CXCL10: variants seen among roughly 807,000 people sequenced by gnomAD.
The protein encoded by CXCL10 is C-X-C motif chemokine ligand 10, also known as C-X-C motif chemokine 10.
A neutral mutation model predicts 10.8 loss-of-function variants in CXCL10; 6 were observed. That is an observed-to-expected ratio of 0.55 (90% CI 0.30 to 1.09). The LOEUF (loss-of-function observed/expected upper bound fraction) is 1.09, where lower values mean the gene tolerates loss of function less well. Ranked by LOEUF, CXCL10 falls within the 50% of genes least tolerant of loss-of-function variation. CXCL10 has a pLI of 0.06. For synonymous variants in CXCL10, 35 were observed against 35.8 expected (o/e 0.98, Z 0.08); for missense variants, 114 against 114.3 (o/e 1.00, Z 0.01).
In CXCL10 at chr4:76,021,788, A is replaced by G. The variant is rs1732840477; in HGVS notation, c.*142T>C. 2.5e-6 allele frequency: 2 copies of G among 799,506 alleles called. No homozygotes were observed. Among genetic ancestry groups the G allele is most frequent in the Non-Finnish European group, 4.3e-6 (2 of 460,210 alleles). 49.5% of individuals were successfully genotyped at this position (799,506 alleles called of 1,614,324 possible). On this transcript the variant is annotated 3_prime_UTR_variant, in exon 4 of 4. Coordinates refer to ENST00000306602, the MANE Select transcript of CXCL10 (RefSeq NM_001565.4). ...AGTAGTAGCAGCTGATTTGGTGACCATCATTGGTCACCTTTTAGTGTAACT... is the reference window on the plus strand; with the variant it reads ...AGTAGTAGCAGCTGATTTGGTGACCGTCATTGGTCACCTTTTAGTGTAACT...
Position 76,023,493 on chromosome 4 carries a change from GTC to G in CXCL10, c.-64_-63del. ...GAATATGTCTAAGCAATTGAGGAAT[GTC>G]TCAGAAAACGTGGGGCTAGTGTGCC... On this transcript the variant is annotated 5_prime_UTR_variant, in exon 1 of 4. Transcript: ENST00000306602. 1 of 1,475,112 alleles carries G rather than the reference GTC, an allele frequency of 6.8e-7. No homozygotes were observed. The highest frequency in any genetic ancestry group is 9.5e-7 in the Non-Finnish European group (1 of 1,053,800). 91.4% of individuals were successfully genotyped at this position (1,475,112 alleles called of 1,614,324 possible).
At position 76,022,821 on chromosome 4, in the gene CXCL10, T is replaced by G. The variant is rs780075270; in HGVS notation, c.62-4A>C. On this transcript the variant is annotated splice_region_variant and splice_polypyrimidine_tract_variant and intron_variant, in intron 1 of 3. Transcript: ENST00000306602. Reference sequence around the variant, plus strand: ...ACAGTTCTAGAGAGAGGTACTCCTGTAGGAAAAGAGGAACAGCAGAGAAGG... The same window carrying G: ...ACAGTTCTAGAGAGAGGTACTCCTGGAGGAAAAGAGGAACAGCAGAGAAGG... 3.7e-6 allele frequency: 6 copies of G among 1,606,402 alleles called. No homozygotes were observed. The highest frequency in any genetic ancestry group is 5.1e-6 in the Non-Finnish European group (6 of 1,179,082).
rs567039545 is a variant in CXCL10 at position 76,023,480 on chromosome 4, G to A, written c.-49C>T. On this transcript the variant is annotated 5_prime_UTR_variant, in exon 1 of 4. Transcript: ENST00000306602. ...TGCTGTAGGCTCAGAATATGTCTAA[G>A]CAATTGAGGAATGTCTCAGAAAACG... is the stretch of plus-strand genomic sequence containing the variant. 1.6e-5 allele frequency: 25 copies of A among 1,528,038 alleles called. No homozygotes were observed. The South Asian group carries it at 2.6e-4, about 16-fold the overall frequency. 94.7% of individuals were successfully genotyped at this position (1,528,038 alleles called of 1,614,324 possible).
Position 76,022,438 on chromosome 4 carries a change from T to G in CXCL10, c.206A>C (p.Lys69Thr). ...RVEIIATMKKKGEKRCLNPES... is the reference protein window; with the variant it reads ...RVEIIATMKKTGEKRCLNPES... ...TGGATTCAGACATCTCTTCTCACCC[T>G]TCTTTTTCATTGTAGCACTGTAGAA... is the stretch of plus-strand genomic sequence containing the variant. Residue 69 changes from lysine (K) to threonine (T), a missense_variant, in exon 3 of 4, where the codon AAG (lysine) becomes ACG (threonine). Transcript: ENST00000306602. 6.2e-7 allele frequency: 1 copy of G among 1,613,128 alleles called. No individual in the cohort carries two copies. Among genetic ancestry groups the G allele is most frequent in the Non-Finnish European group, 8.5e-7 (1 of 1,179,836 alleles).
In CXCL10 at chr4:76,023,447, G is replaced by A. The variant is rs375688092; in HGVS notation, c.-16C>T. On this transcript the variant is annotated 5_prime_UTR_variant, in exon 1 of 4. Coordinates refer to ENST00000306602, the MANE Select transcript of CXCL10 (RefSeq NM_001565.4). Reference sequence around the variant, plus strand: ...TTTGATTCATGGTGCTGAGACTGGAGGTTCCTCTGCTGTAGGCTCAGAATA... The same window carrying A: ...TTTGATTCATGGTGCTGAGACTGGAAGTTCCTCTGCTGTAGGCTCAGAATA... 88 of 1,612,310 alleles carry A rather than the reference G, an allele frequency of 5.5e-5. No homozygotes were observed. Among genetic ancestry groups the A allele is most frequent in the Non-Finnish European group, 3.6e-5 (42 of 1,178,502 alleles).
intron 3 of CXCL10, 93 bp downstream of exon 3, chr4:76,022,273 C>T (rs1042927378): frequency 9.8e-6 from 10 of 1,023,272 alleles, no homozygotes; most frequent in Middle Eastern, 2.0e-4. Flanking sequence ...TTTAAACCAG[C>T]GATTGCACAG....
intron 1 of CXCL10, 78 bp downstream of exon 1, chr4:76,023,293 A>C: frequency 8.7e-7 from 1 of 1,143,558 alleles, no homozygotes; most frequent in Non-Finnish European, 1.3e-6. Flanking sequence ...TTACAAATAC[A>C]TTATTTCTGT....
rs1329627460 is a variant in CXCL10 at position 76,023,407 on chromosome 4, A to G, written c.25T>C (p.Cys9Arg). ...CTTAGAGTCAGAAAGATAAGGCAGC[A>G]AATCAGAATGGCAGTTTGATTCATG... MNQTAILICCLIFLTLSGI... is the reference protein window; with the variant it reads MNQTAILIRCLIFLTLSGI... The change falls in exon 1 of 4, where the codon TGC (cysteine) becomes CGC (arginine). Residue 9 changes from cysteine (C) to arginine (R), a missense_variant. Physicochemically the swap from Cys to Arg is radical, Grantham distance 180. Coordinates refer to ENST00000306602, the MANE Select transcript of CXCL10 (RefSeq NM_001565.4). The G allele has an allele frequency of 6.2e-7, 1 of 1,613,942 alleles. No individual in the cohort carries two copies. Among genetic ancestry groups the G allele is most frequent in the Admixed American group, 1.7e-5 (1 of 60,008 alleles).
chr4:76,022,461 G>A lies in CXCL10; in HGVS notation c.189-6C>T. On this transcript the variant is annotated splice_region_variant and splice_polypyrimidine_tract_variant and intron_variant, in intron 2 of 3. Transcript: ENST00000306602. ...CCTTCTTTTTCATTGTAGCACTGTA[G>A]AAATAAATAGGGATGAAAATATTTA... 1 of 1,609,506 alleles carries A rather than the reference G, an allele frequency of 6.2e-7. No individual in the cohort carries two copies.
Position 76,021,771 on chromosome 4 carries a change from C to A in CXCL10, c.*159G>T. ...ATTAACCTTCCTACAGGAGTAGTAG[C>A]AGCTGATTTGGTGACCATCATTGGT... is the stretch of plus-strand genomic sequence containing the variant. On this transcript the variant is annotated 3_prime_UTR_variant, in exon 4 of 4. Coordinates refer to ENST00000306602, the MANE Select transcript of CXCL10 (RefSeq NM_001565.4). 1 of 720,100 alleles carries A rather than the reference C, an allele frequency of 1.4e-6. No homozygotes were observed. Among genetic ancestry groups the A allele is most frequent in the South Asian group, 1.7e-5 (1 of 60,574 alleles). The allele number at this position is 720,100 out of a possible 1,614,324, so 44.6% of individuals were successfully genotyped here.
chr4:76,022,927 C>T, intron 1 of CXCL10, 110 bp from the exon 2 acceptor site: 1 of 1,085,486 alleles, frequency 9.2e-7, no homozygotes, highest in Non-Finnish European at 1.3e-6. Context: ...AGCAAATAGT[C>T]ACTTAATCTG....
chr4:76,022,452 A>G lies in CXCL10; in HGVS notation c.192T>C (p.Ala64=). 1 of 1,612,268 alleles carries G rather than the reference A, an allele frequency of 6.2e-7. No homozygotes were observed. The highest frequency in any genetic ancestry group is 8.5e-7 in the Non-Finnish European group (1 of 1,179,456). ...SQFCPRVEII[A]TMKKKGEKRC... ...TCTTCTCACCCTTCTTTTTCATTGT[A>G]GCACTGTAGAAATAAATAGGGATGA... The change falls in exon 3 of 4, where the codon GCT becomes GCC. Residue 64 remains alanine (A), a synonymous_variant. Transcript: ENST00000306602.
At chr4:76,023,195 G>C (rs1362432050) in intron 1 of CXCL10, among the ~76,000 whole-genome samples, 176 bp downstream of exon 1, 1 of 150,894 alleles carries the variant, frequency 6.6e-6, no homozygotes, top group African/African-American at 2.4e-5. Context: ...TATTCTATTT[G>C]TTTCTCTCAC....
At position 76,021,258 on chromosome 4, in the gene CXCL10, T is replaced by A; in HGVS notation, c.*672A>T. ...ATGTAACATGCAGAGCATATATCTA[T>A]CTGTATTTTTAAAATTTTCCTGTTA... On this transcript the variant is annotated 3_prime_UTR_variant, in exon 4 of 4. Transcript: ENST00000306602. 1 of 152,382 alleles carries A rather than the reference T, an allele frequency of 6.6e-6. No homozygotes were observed. Among genetic ancestry groups the A allele is most frequent in the Middle Eastern group, 3.4e-3 (1 of 294 alleles). 9.4% of individuals were successfully genotyped at this position (152,382 alleles called of 1,614,324 possible). A position where few individuals can be genotyped will look rare whatever the true frequency, so the allele number is the denominator to read the frequency against.
Position 76,023,372 on chromosome 4 carries a change from T to A in CXCL10, c.60A>T (p.Gln20His). 1 of 1,611,942 alleles carries A rather than the reference T, an allele frequency of 6.2e-7. No homozygotes were observed. Among genetic ancestry groups the A allele is most frequent in the Non-Finnish European group, 8.5e-7 (1 of 1,178,016 alleles). ...TAAGTATCCTTTGATGTTCCTTACC[T>A]TGAATGCCACTTAGAGTCAGAAAGA... Reference protein sequence around the residue: ...CLIFLTLSGIQGVPLSRTVRC... With the variant: ...CLIFLTLSGIHGVPLSRTVRC... The change falls in exon 1 of 4, where the codon CAA (glutamine) becomes CAT (histidine). Residue 20 changes from glutamine (Q) to histidine (H), a missense_variant and splice_region_variant. Transcript: ENST00000306602.
At chr4:76,023,191 A>C (rs986701127) in intron 1 of CXCL10, among the ~76,000 whole-genome samples, 180 bp downstream of exon 1, 1 of 150,682 alleles carries the variant, frequency 6.6e-6, no homozygotes, top group East Asian at 1.9e-4. Flanking sequence ...CTCTTATTCT[A>C]TTTGTTTCTC....
rs1450282538 is a variant in CXCL10 at position 76,021,239 on chromosome 4, C to T, written c.*691G>A. ...CATTCAGCACATTTATCTTATGTAA[C>T]ATGCAGAGCATATATCTATCTGTAT... On this transcript the variant is annotated 3_prime_UTR_variant, in exon 4 of 4. Transcript: ENST00000306602. 1 of 152,182 alleles carries T rather than the reference C, an allele frequency of 6.6e-6. No individual in the cohort carries two copies. Among genetic ancestry groups the T allele is most frequent in the Non-Finnish European group, 1.5e-5 (1 of 68,044 alleles). 9.4% of individuals were successfully genotyped at this position (152,182 alleles called of 1,614,324 possible).
rs1457106490 is a variant in CXCL10 at position 76,021,279 on chromosome 4, T to TCATTGATACATAGTATCATTGATACATA, written c.*650_*651insTATGTATCAATGATACTATGTATCAATG. The TCATTGATACATAGTATCATTGATACATA allele has an allele frequency of 6.6e-6, 1 of 152,248 alleles. No individual in the cohort carries two copies. The highest frequency in any genetic ancestry group is 6.5e-5 in the Admixed American group (1 of 15,282). The allele number at this position is 152,248 out of a possible 1,614,324, so 9.4% of individuals were successfully genotyped here. A position where few individuals can be genotyped will look rare whatever the true frequency, so the allele number is the denominator to read the frequency against. On this transcript the variant is annotated 3_prime_UTR_variant, in exon 4 of 4. Transcript: ENST00000306602. Reference sequence around the variant, plus strand: ...TCTATCTGTATTTTTAAAATTTTCCTGTTACTCATTGATACATAGTACTTA... The same window carrying TCATTGATACATAGTATCATTGATACATA: ...TCTATCTGTATTTTTAAAATTTTCCTCATTGATACATAGTATCATTGATACATAGTTACTCATTGATACATAGTACTTA...
At chr4:76,023,270 T>A in intron 1 of CXCL10, 101 bp downstream of exon 1, 1 of 869,894 alleles carries the variant, frequency 1.1e-6, no homozygotes, top group South Asian at 1.4e-5. Context: ...TTTATAAGCA[T>A]GCAGTGAAAC....
Sources: gnomAD v4.1 joint callset for allele counts (sites outside exome capture counted in the v4.1 genomes callset) on GRCh38, gnomAD v4.1.1 for gene constraint, MANE v1.5 for transcripts, NCBI Gene and HGNC (gene_info 2026-07-23, HGNC 2026-07-21) for gene names.